Variants in SNTB2 observed in about 807,000 individuals in gnomAD.
SNTB2 encodes the protein beta-2-syntrophin.
SNTB2 carries 34 observed loss-of-function variants against 46.2 expected under a neutral mutation model. That is an observed-to-expected ratio of 0.74 (90% CI 0.56 to 0.98). The LOEUF (loss-of-function observed/expected upper bound fraction) is 0.98. Ranked by LOEUF, SNTB2 falls within the 50% of genes least tolerant of loss-of-function variation. The probability of loss-of-function intolerance (pLI) is 0.00; values close to 1 mark genes in which losing one functional copy is unlikely to be tolerated. For synonymous variants in SNTB2, 290 were observed against 312.6 expected, an observed-to-expected ratio of 0.93 and a Z score of 0.76; for missense variants, 603 against 731.4, an observed-to-expected ratio of 0.82 and a Z score of 2.02.
chr16:69,246,388 G>A (rs906936477), intron 2 of SNTB2, among the ~76,000 whole-genome samples: 10 of 151,512 alleles, frequency 6.6e-5, no homozygotes, highest in Admixed American at 3.3e-4. Context: ...TATTGAACCA[G>A]CCTTGCATCC....
At chr16:69,205,316 A>AT (rs34575541) in intron 1 of SNTB2, among the ~76,000 whole-genome samples, 5,839 of 130,942 alleles carry the variant, frequency 0.045, 268 homozygotes, top group African/African-American at 0.11. Flanking sequence ...CGCTTGGCAA[A>AT]TTTTTTTTTT....
intron 5 of SNTB2, among the ~76,000 whole-genome samples, chr16:69,287,916 T>A (rs1965121158): frequency 6.6e-6 from 1 of 151,864 alleles, no homozygotes; most frequent in South Asian, 2.1e-4. Context: ...TAGTTCACGC[T>A]TGTAATTCCA....
intron 2 of SNTB2, among the ~76,000 whole-genome samples, chr16:69,259,179 T>C (rs1009672759): frequency 4.0e-5 from 6 of 151,276 alleles, no homozygotes; most frequent in African/African-American, 1.5e-4. Flanking sequence ...CAGCAGTTGG[T>C]GTTTCTTTTT....
intron 1 of SNTB2, among the ~76,000 whole-genome samples, chr16:69,212,844 G>A (rs534992539): frequency 1.4e-5 from 2 of 147,438 alleles, no homozygotes; most frequent in South Asian, 4.3e-4. Flanking sequence ...TGTTGATCAG[G>A]CTGGTTTTGA....
intron 4 of SNTB2, among the ~76,000 whole-genome samples, chr16:69,273,541 C>T (rs528944306): frequency 2.6e-4 from 39 of 152,206 alleles, no homozygotes; most frequent in African/African-American, 8.9e-4. Context: ...CCAGGATAGA[C>T]AGAAGGTAGA....
At chr16:69,300,733 C>A in intron 6 of SNTB2, 99 bp from the exon 7 acceptor site, 1 of 822,906 alleles carries the variant, frequency 1.2e-6, no homozygotes, top group Non-Finnish European at 2.1e-6. Flanking sequence ...ATAGCTCTGG[C>A]ACATTCTTTA....
In SNTB2 at chr16:69,302,515, CA is replaced by C. The variant is rs1965283891; in HGVS notation, c.*1592del. The C allele has an allele frequency of 6.6e-6, 1 of 152,076 alleles. No homozygotes were observed. The highest frequency in any genetic ancestry group is 1.5e-5 in the Non-Finnish European group (1 of 68,048). 9.4% of individuals were successfully genotyped at this position (152,076 alleles called of 1,614,324 possible). A position where few individuals can be genotyped will look rare whatever the true frequency, so the allele number is the denominator to read the frequency against. On this transcript the variant is annotated 3_prime_UTR_variant, in exon 7 of 7. Coordinates refer to ENST00000336278, the MANE Select transcript of SNTB2 (RefSeq NM_006750.4). ...GGTGTCACTTCAGATGGGGCAGGCA[CA>C]GGGGGAGAAAAGAAGAGAAAAACAC...
At chr16:69,265,151 A>T (rs1276121554) in intron 3 of SNTB2, among the ~76,000 whole-genome samples, 1 of 152,152 alleles carries the variant, frequency 6.6e-6, no homozygotes, top group Non-Finnish European at 1.5e-5. Context: ...GGGGAGGCTG[A>T]GGCAGGAGAA....
At chr16:69,214,086 G>A (rs1342981500) in intron 1 of SNTB2, among the ~76,000 whole-genome samples, 2 of 148,846 alleles carry the variant, frequency 1.3e-5, no homozygotes, top group Admixed American at 6.7e-5. Flanking sequence ...GCCTCCCAAA[G>A]TGCTGGGATT....
intron 1 of SNTB2, among the ~76,000 whole-genome samples, chr16:69,188,616 G>A (rs1964018558): frequency 6.6e-6 from 1 of 152,220 alleles, no homozygotes; most frequent in South Asian, 2.1e-4. Flanking sequence ...GGAGGTGATA[G>A]AGTATTGTAA....
At position 69,299,694 on chromosome 16, in the gene SNTB2, C is replaced by T; in HGVS notation, c.1450C>T (p.Pro484Ser). Reference protein sequence around the residue: ...GGSSSILYRYPFERLKMSADD... With the variant: ...GGSSSILYRYSFERLKMSADD... ...CTCCAGCAGCATATTGTACCGCTAC[C>T]CCTTTGAAAGGCTGAAGATGTCTGC... Residue 484 changes from proline (P) to serine (S), a missense_variant, in exon 6 of 7, where the codon CCC (proline) becomes TCC (serine). Pro to Ser is a moderately conservative substitution (Grantham distance 74, BLOSUM62 -1). Coordinates refer to ENST00000336278, the MANE Select transcript of SNTB2 (RefSeq NM_006750.4). The T allele has an allele frequency of 6.2e-7, 1 of 1,614,086 alleles. No individual in the cohort carries two copies. Among genetic ancestry groups the T allele is most frequent in the Non-Finnish European group, 8.5e-7 (1 of 1,180,014 alleles).
intron 2 of SNTB2, among the ~76,000 whole-genome samples, chr16:69,255,060 A>G (rs1213566975): frequency 6.6e-6 from 1 of 151,854 alleles, no homozygotes; most frequent in Admixed American, 6.6e-5. Flanking sequence ...AATTCATCTC[A>G]CATCCCACCA....
intron 2 of SNTB2, among the ~76,000 whole-genome samples, chr16:69,258,613 T>C (rs1182584957): frequency 7.0e-6 from 1 of 142,290 alleles, no homozygotes; most frequent in Non-Finnish European, 1.5e-5. Context: ...TTCTTTTTTT[T>C]TTTTTTTTTT....
intron 1 of SNTB2, among the ~76,000 whole-genome samples, chr16:69,217,450 A>T (rs1342637720): frequency 6.6e-6 from 1 of 152,076 alleles, no homozygotes; most frequent in Admixed American, 6.6e-5. Flanking sequence ...TCCAGCCTGG[A>T]TAATAGAGCA....
chr16:69,235,137 G>A (rs1251077226), intron 1 of SNTB2, among the ~76,000 whole-genome samples: 1 of 150,936 alleles, frequency 6.6e-6, no homozygotes, highest in Non-Finnish European at 1.5e-5. Flanking sequence ...TCAGCCTCCT[G>A]AGTAGCTGGG....
intron 1 of SNTB2, among the ~76,000 whole-genome samples, chr16:69,219,217 T>C (rs1048567056): frequency 2.6e-5 from 4 of 152,172 alleles, no homozygotes; most frequent in African/African-American, 9.7e-5. Flanking sequence ...AAATACCATA[T>C]TATGAACCAT....
At chr16:69,195,224 A>G (rs369017813) in intron 1 of SNTB2, among the ~76,000 whole-genome samples, 3 of 152,312 alleles carry the variant, frequency 2.0e-5, no homozygotes, top group Admixed American at 1.3e-4. Flanking sequence ...GTTTATCAAA[A>G]TAGACGTATA....
At chr16:69,263,370 A>G (rs1964854724) in intron 3 of SNTB2, among the ~76,000 whole-genome samples, 2 of 151,686 alleles carry the variant, frequency 1.3e-5, no homozygotes, top group African/African-American at 4.8e-5. Context: ...TTAGCCTCCC[A>G]AAGTGCTGGG....
intron 5 of SNTB2, among the ~76,000 whole-genome samples, chr16:69,293,969 A>G (rs1965199040): frequency 6.6e-6 from 1 of 152,154 alleles, no homozygotes. Context: ...CCCTAAATCC[A>G]ACTGCAGTTA....
Sources: allele counts gnomAD v4.1 joint callset (sites outside exome capture counted in the v4.1 genomes callset), GRCh38; gene constraint gnomAD v4.1.1; transcripts MANE v1.5; gene names NCBI Gene and HGNC (gene_info 2026-07-23, HGNC 2026-07-21).